Variants in MIPOL1 observed in about 807,000 individuals in gnomAD.
MIPOL1 encodes the protein mirror-image polydactyly gene 1 protein.
In MIPOL1, 57 loss-of-function variants were observed where a neutral mutation model predicts 60.9. That is an observed-to-expected ratio of 0.94 (90% confidence interval 0.76 to 1.17). The LOEUF is 1.17. Among genes scored for constraint, MIPOL1 ranks in the 50% most tolerant of loss-of-function variants. MIPOL1 has a pLI of 0.00. For missense variants in MIPOL1, 551 were observed against 511.6 expected (o/e 1.08, Z -0.74); for synonymous variants, 179 against 168.8 (o/e 1.06, Z -0.47).
chr14:37,412,746 C>T (rs2093700604), intron 10 of MIPOL1, among the ~76,000 whole-genome samples: 1 of 151,872 alleles, frequency 6.6e-6, no homozygotes, highest in South Asian at 2.1e-4. Context: ...CAGGTGTGTT[C>T]ACTTCATGAA....
At chr14:37,478,010 G>A (rs186062751) in intron 11 of MIPOL1, among the ~76,000 whole-genome samples, 19 of 152,320 alleles carry the variant, frequency 1.2e-4, no homozygotes, top group Non-Finnish European at 2.2e-4. Flanking sequence ...AAGAAGAAGC[G>A]TTTATGTTTA....
At chr14:37,348,362 A>T (rs1392166285) in intron 9 of MIPOL1, among the ~76,000 whole-genome samples, 2 of 152,206 alleles carry the variant, frequency 1.3e-5, no homozygotes, top group African/African-American at 2.4e-5. Context: ...GATTATATAT[A>T]TGGTCCCAGA....
intron 10 of MIPOL1, among the ~76,000 whole-genome samples, chr14:37,418,357 A>G (rs1490040416): frequency 6.6e-6 from 1 of 152,166 alleles, no homozygotes; most frequent in Non-Finnish European, 1.5e-5. Flanking sequence ...ATACAGTCCC[A>G]ACACAAATGG....
intron 10 of MIPOL1, among the ~76,000 whole-genome samples, chr14:37,375,613 T>G (rs1196149389): frequency 6.6e-6 from 1 of 152,198 alleles, no homozygotes; most frequent in Non-Finnish European, 1.5e-5. Flanking sequence ...TTAATAAAAC[T>G]TTGATATTTA....
chr14:37,359,734 C>A lies in MIPOL1; in HGVS notation c.829-9783C>A, dbSNP rs78525771. 7.3e-4 allele frequency among the ~76,000 whole-genome samples: 111 copies of A among 152,260 alleles called. 3 individuals are homozygous for A. In the South Asian group the frequency reaches 0.022, roughly 30 times the overall value. ...AACTTAAGGAGATTTTGGACTGAGA[C>A]GATGGGGTTTTCTAAATATACAATC... On this transcript the variant is annotated intron_variant, in intron 9 of 12. Transcript: ENST00000684589.
At chr14:37,519,466 C>T (rs1310533805) in intron 12 of MIPOL1, among the ~76,000 whole-genome samples, 1 of 152,026 alleles carries the variant, frequency 6.6e-6, no homozygotes, top group African/African-American at 2.4e-5. Flanking sequence ...GGTACTGATC[C>T]TTTCCTTATT....
At chr14:37,489,246 A>G (rs1019253011) in intron 11 of MIPOL1, among the ~76,000 whole-genome samples, 1 of 151,986 alleles carries the variant, frequency 6.6e-6, no homozygotes, top group African/African-American at 2.4e-5. Context: ...CGCTTGATCA[A>G]CTCAGCTATT....
In MIPOL1 at chr14:37,380,451, A is replaced by G. The variant is rs986341086; in HGVS notation, c.936+10827A>G. Among the ~76,000 whole-genome samples, 4 of 152,152 alleles carry G rather than the reference A, an allele frequency of 2.6e-5. No individual in the cohort carries two copies. The South Asian group carries it at 6.2e-4, about 24-fold the overall frequency. On this transcript the variant is annotated intron_variant, in intron 10 of 12. Coordinates refer to ENST00000684589, the MANE Select transcript of MIPOL1 (RefSeq NM_001388067.1). ...ACAGTGAAAGGTGATTCCATGGATT[A>G]TAACACCAGGTATAGTCAAATCATT...
intron 12 of MIPOL1, among the ~76,000 whole-genome samples, chr14:37,524,117 A>G (rs1427090307): frequency 3.3e-5 from 5 of 152,138 alleles, no homozygotes; most frequent in African/African-American, 1.2e-4. Context: ...TTTTGACTTT[A>G]CCTTACAAGC....
At chr14:37,473,407 G>A (rs545075434) in intron 11 of MIPOL1, among the ~76,000 whole-genome samples, 4 of 151,682 alleles carry the variant, frequency 2.6e-5, no homozygotes. Flanking sequence ...TTATTTTATA[G>A]CAACACAAAG....
rs1429622875 is a variant in MIPOL1 at position 37,549,341 on chromosome 14, C to T, written c.*2370C>T. On this transcript the variant is annotated 3_prime_UTR_variant, in exon 13 of 13. Coordinates refer to ENST00000684589, the MANE Select transcript of MIPOL1 (RefSeq NM_001388067.1). ...TGTAGCACTTGATGATTTACAAAGT[C>T]CTTTTACATCTGTTTTTTCATTTGA... 1 of 151,592 alleles carries T rather than the reference C, an allele frequency of 6.6e-6. No individual in the cohort carries two copies. The highest frequency in any genetic ancestry group is 1.5e-5 in the Non-Finnish European group (1 of 67,744). The allele number at this position is 151,592 out of a possible 1,614,324, so 9.4% of individuals were successfully genotyped here. A position where few individuals can be genotyped will look rare whatever the true frequency, so the allele number is the denominator to read the frequency against.
intron 1 of MIPOL1, among the ~76,000 whole-genome samples, chr14:37,246,560 T>C (rs553842807): frequency 1.3e-5 from 2 of 152,134 alleles, no homozygotes; most frequent in Admixed American, 1.3e-4. Flanking sequence ...ACATCAGTCT[T>C]ACAAAAGAAT....
chr14:37,293,849 G>A (rs528657241), intron 7 of MIPOL1, among the ~76,000 whole-genome samples: 1 of 152,332 alleles, frequency 6.6e-6, no homozygotes, highest in South Asian at 2.1e-4. Context: ...AGCTCAAGGA[G>A]GCCTTCCTGC....
chr14:37,366,319 T>C (rs2092469451), intron 9 of MIPOL1, among the ~76,000 whole-genome samples: 1 of 152,042 alleles, frequency 6.6e-6, no homozygotes, highest in Non-Finnish European at 1.5e-5. Context: ...TAGTACTACT[T>C]TTGCTGTATC....
intron 3 of MIPOL1, among the ~76,000 whole-genome samples, chr14:37,251,856 C>T (rs548626369): frequency 6.6e-6 from 1 of 151,670 alleles, no homozygotes; most frequent in Admixed American, 6.6e-5. Flanking sequence ...ATATGTCTGC[C>T]CTAAGTATAC....
At chr14:37,322,206 G>A (rs867778513) in intron 9 of MIPOL1, among the ~76,000 whole-genome samples, 1 of 151,812 alleles carries the variant, frequency 6.6e-6, no homozygotes, top group Non-Finnish European at 1.5e-5. Flanking sequence ...TAAAAGTTAT[G>A]CACATTGAAA....
At chr14:37,204,778 T>G (rs1159930127) in intron 1 of MIPOL1, among the ~76,000 whole-genome samples, 1 of 151,860 alleles carries the variant, frequency 6.6e-6, no homozygotes, top group Non-Finnish European at 1.5e-5. Context: ...TAGAGTGGGG[T>G]GCTGCTGAAA....
At chr14:37,485,346 C>T (rs947434745) in intron 11 of MIPOL1, among the ~76,000 whole-genome samples, 1 of 152,012 alleles carries the variant, frequency 6.6e-6, no homozygotes, top group African/African-American at 2.4e-5. Flanking sequence ...GGGTATATAC[C>T]CAGTAATGGT....
At chr14:37,238,265 A>G (rs1043843147) in intron 1 of MIPOL1, among the ~76,000 whole-genome samples, 3 of 152,178 alleles carry the variant, frequency 2.0e-5, no homozygotes, top group African/African-American at 4.8e-5. Flanking sequence ...TAGAATCACA[A>G]TGCCTATGTA....
Sources: gnomAD v4.1 joint callset for allele counts (sites outside exome capture counted in the v4.1 genomes callset) on GRCh38, gnomAD v4.1.1 for gene constraint, MANE v1.5 for transcripts, NCBI Gene and HGNC (gene_info 2026-07-23, HGNC 2026-07-21) for gene names.